Variants in FBN1 observed in about 807,000 individuals in gnomAD.
The protein encoded by FBN1 is fibrillin 1.
A neutral mutation model predicts 365.1 loss-of-function variants in FBN1; 29 were observed. The ratio of observed to expected loss-of-function variants is 0.08; its 90% CI spans 0.06 to 0.11. The LOEUF is 0.11. Ranked by LOEUF, FBN1 falls within the 10% of genes least tolerant of loss-of-function variation. FBN1 has a pLI of 1.00. For synonymous variants in FBN1, 1,210 were observed against 1,270.5 expected, an observed-to-expected ratio of 0.95 and a Z score of 1.01; for missense variants, 2,476 against 3,703.2, an observed-to-expected ratio of 0.67 and a Z score of 8.60.
chr15:48,475,671 G>A (rs2043413016), intron 32 of FBN1, among the ~76,000 whole-genome samples: 1 of 152,142 alleles, frequency 6.6e-6, no homozygotes, highest in African/African-American at 2.4e-5. Flanking sequence ...GTGAACACTT[G>A]AATAGTGGCA....
chr15:48,529,718 C>CTTTA (rs1307386775), intron 8 of FBN1: 5 of 149,376 alleles, frequency 3.3e-5, no homozygotes, highest in African/African-American at 1.2e-4. Flanking sequence ...GTGAGCTTAA[C>CTTTA]TTTGATTGTA....
chr15:48,410,929 A>G lies in FBN1; in HGVS notation c.*61T>C. 1 of 1,460,298 alleles carries G rather than the reference A, an allele frequency of 6.8e-7. No homozygotes were observed. Among genetic ancestry groups the G allele is most frequent in the Non-Finnish European group, 9.5e-7 (1 of 1,055,886 alleles). 90.5% of individuals were successfully genotyped at this position (1,460,298 alleles called of 1,614,324 possible). A position where few individuals can be genotyped will look rare whatever the true frequency, so the allele number is the denominator to read the frequency against. On this transcript the variant is annotated 3_prime_UTR_variant, in exon 66 of 66. Coordinates refer to ENST00000316623, the MANE Select transcript of FBN1 (RefSeq NM_000138.5). ...GATATGATGATTCTGATTGGGGGAA[A>G]ATATAGTTCTACCTATCTATATTTG...
At chr15:48,635,615 A>G (rs1451200215) in intron 2 of FBN1, among the ~76,000 whole-genome samples, 1 of 152,260 alleles carries the variant, frequency 6.6e-6, no homozygotes, top group African/African-American at 2.4e-5. Flanking sequence ...CATACAGAAG[A>G]AAGTTAAAAC....
At position 48,434,501 on chromosome 15, in the gene FBN1, C is replaced by A. The variant is rs1166688556; in HGVS notation, c.6616+93G>T. On this transcript the variant is annotated intron_variant, in intron 54 of 65. Coordinates refer to ENST00000316623, the MANE Select transcript of FBN1 (RefSeq NM_000138.5). ...GCCTAGATGATCTTTATTATATACA[C>A]CCTGAGTTGTATTTAATATTAAGAC... The A allele has an allele frequency of 8.1e-6, 12 of 1,486,650 alleles. No homozygotes were observed. In the East Asian group the frequency reaches 1.4e-4, roughly 17 times the overall value. The allele number at this position is 1,486,650 out of a possible 1,614,324, so 92.1% of individuals were successfully genotyped here. A position where few individuals can be genotyped will look rare whatever the true frequency, so the allele number is the denominator to read the frequency against.
intron 45 of FBN1, among the ~76,000 whole-genome samples, chr15:48,450,412 C>G (rs2043192177): frequency 6.6e-6 from 1 of 152,140 alleles, no homozygotes. Flanking sequence ...ATGGGGAGTA[C>G]TTTGGAGTTC....
intron 2 of FBN1, among the ~76,000 whole-genome samples, chr15:48,620,065 G>C (rs940374299): frequency 6.6e-6 from 1 of 152,184 alleles, no homozygotes; most frequent in Non-Finnish European, 1.5e-5. Context: ...ATGGTCGGGG[G>C]ACTGGAGGAG....
chr15:48,450,701 TTCTCTCAGC>T (rs1228589437), intron 45 of FBN1, among the ~76,000 whole-genome samples: 1 of 152,202 alleles, frequency 6.6e-6, no homozygotes. Context: ...TATCTAATTA[TTCTCTCAGC>T]TCTCTCAGCA....
chr15:48,604,926 C>A (rs2044594808), intron 4 of FBN1, among the ~76,000 whole-genome samples: 1 of 152,136 alleles, frequency 6.6e-6, no homozygotes, highest in African/African-American at 2.4e-5. Context: ...AGTACAAATG[C>A]CCCAAACTCT....
intron 23 of FBN1, among the ~76,000 whole-genome samples, chr15:48,492,934 T>C (rs550799334): frequency 1.3e-5 from 2 of 152,250 alleles, no homozygotes; most frequent in Admixed American, 6.5e-5. Context: ...TGTCTGGAAA[T>C]GAGTAGAGAA....
chr15:48,506,085 T>C (rs1225970934), intron 15 of FBN1, among the ~76,000 whole-genome samples: 3 of 152,100 alleles, frequency 2.0e-5, no homozygotes, highest in Non-Finnish European at 4.4e-5. Flanking sequence ...CAGCTGGGCA[T>C]GATGGCATGC....
At chr15:48,520,946 C>G (rs114843029) in intron 9 of FBN1, 129 bp from the exon 10 acceptor site, 8 of 1,263,640 alleles carry the variant, frequency 6.3e-6, no homozygotes, top group East Asian at 4.9e-5. Context: ...CTCTGCCCCC[C>G]GGAAGGGAAG....
At chr15:48,610,594 G>T (rs1013898827) in intron 4 of FBN1, 134 bp downstream of exon 4, 2 of 705,796 alleles carry the variant, frequency 2.8e-6, no homozygotes, top group Non-Finnish European at 5.1e-6. Context: ...CAAGTATTTT[G>T]GGCAGAACAG....
At chr15:48,587,886 C>G (rs971864873) in intron 6 of FBN1, among the ~76,000 whole-genome samples, 1 of 152,072 alleles carries the variant, frequency 6.6e-6, no homozygotes, top group African/African-American at 2.4e-5. Context: ...TCTACTAAGA[C>G]AGAGAACCTG....
At chr15:48,499,387 A>G (rs182691189) in intron 17 of FBN1, among the ~76,000 whole-genome samples, 164 of 152,330 alleles carry the variant, frequency 1.1e-3, no homozygotes, top group African/African-American at 3.8e-3. Flanking sequence ...AACTGTTAAT[A>G]AAACTTTCTC....
At chr15:48,527,842 A>G (rs1273609112) in intron 8 of FBN1, among the ~76,000 whole-genome samples, 1 of 152,280 alleles carries the variant, frequency 6.6e-6, no homozygotes, top group East Asian at 1.9e-4. Context: ...GTAAAGGTGC[A>G]TATTCTATTC....
At chr15:48,610,170 T>A (rs2044645950) in intron 4 of FBN1, among the ~76,000 whole-genome samples, 1 of 152,206 alleles carries the variant, frequency 6.6e-6, no homozygotes, top group South Asian at 2.1e-4. Context: ...AAGAAAAGGT[T>A]CTGAAGAATG....
intron 7 of FBN1, 53 bp downstream of exon 7, chr15:48,537,557 CT>C: frequency 6.3e-7 from 1 of 1,599,472 alleles, no homozygotes; most frequent in Non-Finnish European, 8.6e-7. Flanking sequence ...TGGAGAATGG[CT>C]CTCCAGAGCA....
chr15:48,534,327 A>C, intron 7 of FBN1, 122 bp from the exon 8 acceptor site: 1 of 1,017,754 alleles, frequency 9.8e-7, no homozygotes, highest in South Asian at 1.4e-5. Flanking sequence ...TTATTTGTCC[A>C]TCACAATATT....
chr15:48,424,568 CT>C lies in FBN1; in HGVS notation c.7453+800del, dbSNP rs75857623. 0.016 allele frequency among the ~76,000 whole-genome samples: 2,512 copies of C among 152,344 alleles called. 215 individuals are homozygous for C. In the East Asian group the frequency reaches 0.25, roughly 15 times the overall value. Reference sequence around the variant, plus strand: ...GAAAAAATAGGAAAAAGACTCCACTCTATCCTTTACCTTCCTTACTTCTGTA... The same window carrying C: ...GAAAAAATAGGAAAAAGACTCCACTCATCCTTTACCTTCCTTACTTCTGTA... On this transcript the variant is annotated intron_variant, in intron 60 of 65. Transcript: ENST00000316623.
Sources: allele counts gnomAD v4.1 joint callset (sites outside exome capture counted in the v4.1 genomes callset), GRCh38; gene constraint gnomAD v4.1.1; transcripts MANE v1.5; gene names NCBI Gene and HGNC (gene_info 2026-07-23, HGNC 2026-07-21).